The following CNOT6L variants were observed in gnomAD, a reference collection of about 807,000 sequenced individuals.
The protein encoded by CNOT6L is CCR4-NOT transcription complex subunit 6-like.
Under a neutral mutation model 64.0 loss-of-function variants are expected in CNOT6L, and 7 were observed. That is an observed-to-expected ratio of 0.11 (90% CI 0.06 to 0.21). The LOEUF (loss-of-function observed/expected upper bound fraction) is 0.21, where lower values mean the gene tolerates loss of function less well. CNOT6L is among the 10% of genes least tolerant of loss of function. The probability of loss-of-function intolerance (pLI) is 1.00; values close to 1 mark genes in which losing one functional copy is unlikely to be tolerated. For synonymous variants in CNOT6L, 193 were observed against 243.4 expected (o/e 0.79, Z 1.93); for missense variants, 245 against 669.0 (o/e 0.37, Z 6.99).
At position 77,819,334 on chromosome 4, in the gene CNOT6L, A is replaced by G. The variant is rs1181279440; in HGVS notation, c.-26T>C. On this transcript the variant is annotated 5_prime_UTR_variant, in exon 1 of 12. Transcript: ENST00000504123. The stretch of plus-strand genomic sequence containing the variant: ...TCTCTTCCTCTGGCCCAGAAGCAAC[A>G]GCAGCCATTTCCCCGCGGCAGGGGA... 6.2e-7 allele frequency: 1 copy of G among 1,613,092 alleles called. No individual in the cohort carries two copies. The highest frequency in any genetic ancestry group is 1.7e-5 in the Admixed American group (1 of 59,972).
intron 1 of CNOT6L, among the ~76,000 whole-genome samples, chr4:77,817,912 G>C (rs1044962571): frequency 2.0e-5 from 3 of 152,218 alleles, no homozygotes; most frequent in East Asian, 1.9e-4. Context: ...AATGAGGTTG[G>C]AGTAGAAAAG....
At chr4:77,783,035 G>T (rs1336450983) in intron 1 of CNOT6L, among the ~76,000 whole-genome samples, 1 of 149,002 alleles carries the variant, frequency 6.7e-6, no homozygotes, top group Non-Finnish European at 1.5e-5. Context: ...GATGGCATTT[G>T]TCTTTCTTTA....
At chr4:77,809,037 T>C (rs1212292219) in intron 1 of CNOT6L, among the ~76,000 whole-genome samples, 3 of 152,162 alleles carry the variant, frequency 2.0e-5, no homozygotes, top group African/African-American at 7.2e-5. Flanking sequence ...CCAGGTAGTG[T>C]CCTAAATACT....
rs1159913447 is a variant in CNOT6L, at chr4:77,714,614, A to T, written c.*5817T>A. On this transcript the variant is annotated 3_prime_UTR_variant, in exon 12 of 12. Transcript: ENST00000504123. ...AAAAAGTTGTTTGCATTTGGACAAC[A>T]ACTGTACGAATGCCCATAGTGCACA... 1 of 152,576 alleles carries T rather than the reference A, an allele frequency of 6.6e-6. No homozygotes were observed. The highest frequency in any genetic ancestry group is 1.5e-5 in the Non-Finnish European group (1 of 68,010). The allele number at this position is 152,576 out of a possible 1,614,324, so 9.5% of individuals were successfully genotyped here. A position where few individuals can be genotyped will look rare whatever the true frequency, so the allele number is the denominator to read the frequency against.
chr4:77,752,583 T>C (rs1209187236), intron 5 of CNOT6L, among the ~76,000 whole-genome samples: 1 of 152,028 alleles, frequency 6.6e-6, no homozygotes, highest in Non-Finnish European at 1.5e-5. Context: ...CTGGAAGAAC[T>C]CCTCTGAAAA....
At chr4:77,808,850 T>A (rs1297358022) in intron 1 of CNOT6L, among the ~76,000 whole-genome samples, 1 of 152,222 alleles carries the variant, frequency 6.6e-6, no homozygotes, top group East Asian at 1.9e-4. Flanking sequence ...TGCCTTCACC[T>A]GTTTACTAGA....
chr4:77,727,792 G>A (rs1250486885), intron 10 of CNOT6L, among the ~76,000 whole-genome samples: 5 of 152,128 alleles, frequency 3.3e-5, no homozygotes, highest in Non-Finnish European at 7.3e-5. Flanking sequence ...GATTAAGAAA[G>A]GAGCATGTGG....
At chr4:77,797,685 C>T (rs1345807578) in intron 1 of CNOT6L, among the ~76,000 whole-genome samples, 1 of 152,034 alleles carries the variant, frequency 6.6e-6, no homozygotes, top group Non-Finnish European at 1.5e-5. Flanking sequence ...AGAAAAAAAT[C>T]GTATAGTGAG....
intron 11 of CNOT6L, among the ~76,000 whole-genome samples, chr4:77,721,204 A>C (rs1721238905): frequency 6.6e-6 from 1 of 152,238 alleles, no homozygotes; most frequent in Non-Finnish European, 1.5e-5. Context: ...TTCTTAATTT[A>C]AAATACTCAT....
intron 8 of CNOT6L, among the ~76,000 whole-genome samples, chr4:77,741,072 T>G (rs1373536819): frequency 6.6e-6 from 1 of 152,192 alleles, no homozygotes; most frequent in Non-Finnish European, 1.5e-5. Flanking sequence ...ATACGTAGTT[T>G]TAATAGAATT....
chr4:77,716,742 G>T lies in CNOT6L; in HGVS notation c.*3689C>A, dbSNP rs939312598. On this transcript the variant is annotated 3_prime_UTR_variant, in exon 12 of 12. Transcript: ENST00000504123. ...ATAACTTTAAGACACCAAAAAAATA[G>T]GGGCAAATAAGAAACAGCTTTTATA... 2.0e-5 allele frequency: 3 copies of T among 152,416 alleles called. No individual in the cohort carries two copies. The highest frequency in any genetic ancestry group is 4.8e-5 in the African/African-American group (2 of 41,396). 9.4% of individuals were successfully genotyped at this position (152,416 alleles called of 1,614,324 possible).
chr4:77,760,860 CTTTTTTTTTTTTTTTTT>C lies in CNOT6L; in HGVS notation c.401-3926_401-3910del, dbSNP rs754195745. Among the ~76,000 whole-genome samples, 219 of 29,996 alleles carry C rather than the reference CTTTTTTTTTTTTTTTTT, an allele frequency of 7.3e-3. 1 individual carries two copies. The highest frequency in any genetic ancestry group is 0.071 in the Middle Eastern group (2 of 28). The allele number at this position is 29,996 out of a possible 152,430, so 19.7% of individuals were successfully genotyped here. A position where few individuals can be genotyped will look rare whatever the true frequency, so the allele number is the denominator to read the frequency against. The stretch of plus-strand genomic sequence containing the variant: ...TACAGGTGCACACCACCATGCCTGG[CTTTTTTTTTTTTTTTTT>C]TTTTTTTTTTTTTTTTTTAAGGAAG... On this transcript the variant is annotated intron_variant, in intron 4 of 11. Coordinates refer to ENST00000504123, the MANE Select transcript of CNOT6L (RefSeq NM_144571.3).
intron 1 of CNOT6L, among the ~76,000 whole-genome samples, chr4:77,817,676 C>G (rs1338262712): frequency 6.6e-6 from 1 of 152,182 alleles, no homozygotes; most frequent in Non-Finnish European, 1.5e-5. Context: ...CCACTAACTA[C>G]GTATGTTAAA....
intron 1 of CNOT6L, among the ~76,000 whole-genome samples, chr4:77,781,694 T>C (rs1047582057): frequency 7.5e-6 from 1 of 132,672 alleles, no homozygotes; most frequent in African/African-American, 2.9e-5. Context: ...CTTCTGTAAA[T>C]ACTGGTCATC....
At chr4:77,737,406 CTTTTTTTTTTTTTTTTTTT>C (rs56952956) in intron 8 of CNOT6L, among the ~76,000 whole-genome samples, 7 of 82,376 alleles carry the variant, frequency 8.5e-5, no homozygotes, top group African/African-American at 1.4e-4. Flanking sequence ...TTGTACCGTT[CTTTTTTTTTTTTTTTTTTT>C]TTTTTTTTTT....
At chr4:77,811,820 T>A (rs938943914) in intron 1 of CNOT6L, among the ~76,000 whole-genome samples, 1 of 150,816 alleles carries the variant, frequency 6.6e-6, no homozygotes, top group Non-Finnish European at 1.5e-5. Context: ...TATAGCTCAC[T>A]ACTTTCCGCA....
At chr4:77,748,235 C>A in intron 6 of CNOT6L, 81 bp downstream of exon 6, 1 of 966,444 alleles carries the variant, frequency 1.0e-6, no homozygotes, top group South Asian at 1.3e-5. Flanking sequence ...AAAATGAAGT[C>A]TTATTTATTA....
intron 5 of CNOT6L, among the ~76,000 whole-genome samples, chr4:77,754,895 A>AAAAAAAAAAC (rs1725321117): frequency 7.8e-6 from 1 of 128,016 alleles, no homozygotes; most frequent in African/African-American, 2.6e-5. Context: ...AAGTAAAAAA[A>AAAAAAAAAAC]AAAAAAAAAA....
intron 1 of CNOT6L, among the ~76,000 whole-genome samples, chr4:77,793,331 T>G (rs1459436200): frequency 1.3e-5 from 2 of 152,164 alleles, no homozygotes; most frequent in East Asian, 3.8e-4. Flanking sequence ...AGACAAATAA[T>G]AGGATATAAC....
Sources: gnomAD v4.1 joint callset for allele counts (sites outside exome capture counted in the v4.1 genomes callset) on GRCh38, gnomAD v4.1.1 for gene constraint, MANE v1.5 for transcripts, NCBI Gene and HGNC (gene_info 2026-07-23, HGNC 2026-07-21) for gene names.